The following NEGR1 variants were observed in gnomAD, a reference collection of about 807,000 sequenced individuals.
NEGR1 encodes neuronal growth regulator 1.
A neutral mutation model predicts 40.9 loss-of-function variants in NEGR1; 10 were observed. The ratio of observed to expected loss-of-function variants is 0.24; its 90% CI spans 0.15 to 0.42. The LOEUF is 0.42. NEGR1 is among the 10% of genes least tolerant of loss of function. NEGR1 has a pLI of 1.00. For missense variants in NEGR1, 352 were observed against 438.9 expected (o/e 0.80, Z 1.77); for synonymous variants, 185 against 166.8 (o/e 1.11, Z -0.84).
intron 2 of NEGR1, among the ~76,000 whole-genome samples, chr1:71,778,830 T>G (rs943761625): frequency 6.6e-6 from 1 of 152,326 alleles, no homozygotes; most frequent in Non-Finnish European, 1.5e-5. Context: ...TTTACACATC[T>G]ACATATATTT....
At chr1:71,783,413 C>A (rs1253113474) in intron 2 of NEGR1, among the ~76,000 whole-genome samples, 1 of 152,050 alleles carries the variant, frequency 6.6e-6, no homozygotes, top group Non-Finnish European at 1.5e-5. Flanking sequence ...CTTGTGGGTT[C>A]TTGATGGTTT....
chr1:72,200,124 C>T (rs1405772752), intron 1 of NEGR1, among the ~76,000 whole-genome samples: 1 of 151,790 alleles, frequency 6.6e-6, no homozygotes, highest in Non-Finnish European at 1.5e-5. Context: ...GGAAGTTTCT[C>T]AAAGAACTTA....
intron 1 of NEGR1, among the ~76,000 whole-genome samples, chr1:72,028,794 A>G (rs551003153): frequency 4.5e-4 from 68 of 152,318 alleles, no homozygotes; most frequent in Non-Finnish European, 8.1e-4. Flanking sequence ...TCCTACACAT[A>G]TTTTTATTAT....
chr1:71,544,191 A>C (rs1166719173), intron 6 of NEGR1, among the ~76,000 whole-genome samples: 3 of 151,660 alleles, frequency 2.0e-5, no homozygotes, highest in Non-Finnish European at 3.0e-5. Flanking sequence ...TATCTGTTTA[A>C]TGTTTATTTA....
chr1:71,651,844 C>A (rs562606692), intron 4 of NEGR1, among the ~76,000 whole-genome samples: 38 of 152,214 alleles, frequency 2.5e-4, no homozygotes, highest in African/African-American at 8.7e-4. Flanking sequence ...GTTATTGAAT[C>A]CTTACAATTT....
At position 71,776,161 on chromosome 1, in the gene NEGR1, T is replaced by C; in HGVS notation, c.535+11A>G. On this transcript the variant is annotated intron_variant, in intron 3 of 6. Coordinates refer to ENST00000357731, the MANE Select transcript of NEGR1 (RefSeq NM_173808.3). Reference sequence around the variant, plus strand: ...AACAGCACAAACAACACTAATGCATTCCTACTTTACCTGATGGGGAGATGT... The same window carrying C: ...AACAGCACAAACAACACTAATGCATCCCTACTTTACCTGATGGGGAGATGT... 6.2e-7 allele frequency: 1 copy of C among 1,605,694 alleles called. No individual in the cohort carries two copies. The highest frequency in any genetic ancestry group is 1.7e-5 in the Admixed American group (1 of 59,214).
chr1:71,480,234 C>G (rs191657457), intron 6 of NEGR1, among the ~76,000 whole-genome samples: 1 of 151,960 alleles, frequency 6.6e-6, no homozygotes, highest in Non-Finnish European at 1.5e-5. Context: ...AGCCTCAAAA[C>G]AATCCTGTGA....
At chr1:72,007,674 C>A (rs1010691930) in intron 1 of NEGR1, among the ~76,000 whole-genome samples, 1 of 152,128 alleles carries the variant, frequency 6.6e-6, no homozygotes, top group Non-Finnish European at 1.5e-5. Context: ...TAAAAAAAAT[C>A]ATTTACTATA....
Position 72,110,214 on chromosome 1 carries a change from AGT to A in NEGR1, c.176+172103_176+172104del, listed in dbSNP as rs1649299979. 2.4e-5 allele frequency among the ~76,000 whole-genome samples: 3 copies of A among 123,264 alleles called. No homozygotes were observed. The South Asian group carries it at 8.2e-4, about 34-fold the overall frequency. 80.9% of individuals were successfully genotyped at this position (123,264 alleles called of 152,430 possible). A position where few individuals can be genotyped will look rare whatever the true frequency, so the allele number is the denominator to read the frequency against. ...TGTGCACATGTACCCTAAAACTTAGAGTATAATAAAAAAAAAAAAAAAAAAAA... is the reference window on the plus strand; with the variant it reads ...TGTGCACATGTACCCTAAAACTTAGAATAATAAAAAAAAAAAAAAAAAAAA... On this transcript the variant is annotated intron_variant, in intron 1 of 6. Transcript: ENST00000357731.
intron 6 of NEGR1, among the ~76,000 whole-genome samples, chr1:71,535,500 G>T (rs79493177): frequency 0.04 from 6,133 of 151,724 alleles, 409 homozygotes; most frequent in African/African-American, 0.14. Flanking sequence ...ATTATGTTGC[G>T]TGCAGGATCC....
At position 71,554,841 on chromosome 1, in the gene NEGR1, G is replaced by T. The variant is rs568226165; in HGVS notation, c.940+37976C>A. Among the ~76,000 whole-genome samples, 51 of 151,588 alleles carry T rather than the reference G, an allele frequency of 3.4e-4. 1 individual carries two copies. Among genetic ancestry groups the T allele is most frequent in the African/African-American group, 1.2e-3 (51 of 41,448 alleles). On this transcript the variant is annotated intron_variant, in intron 6 of 6. Coordinates refer to ENST00000357731, the MANE Select transcript of NEGR1 (RefSeq NM_173808.3). ...GCCTTGCAGGTAGAGCCTTCTGGAA[G>T]ATTAGAATGAGAACACTTAAAGGGG...
chr1:72,021,097 G>A (rs1057500900), intron 1 of NEGR1, among the ~76,000 whole-genome samples: 1 of 151,970 alleles, frequency 6.6e-6, no homozygotes, highest in Non-Finnish European at 1.5e-5. Context: ...TTCTGACTAC[G>A]AATCCATTTG....
chr1:72,120,694 T>C (rs1649768048), intron 1 of NEGR1, among the ~76,000 whole-genome samples: 2 of 151,870 alleles, frequency 1.3e-5, no homozygotes, highest in African/African-American at 4.8e-5. Context: ...CAGAGTGTGA[T>C]ATTCCCCTTC....
At chr1:71,943,247 CACAT>C (rs142376873) in intron 1 of NEGR1, among the ~76,000 whole-genome samples, 1,961 of 149,628 alleles carry the variant, frequency 0.013, 40 homozygotes, top group African/African-American at 0.046. Flanking sequence ...CACATACACA[CACAT>C]ACATACACAT....
At chr1:71,436,079 CTA>C (rs1160465421) in intron 6 of NEGR1, among the ~76,000 whole-genome samples, 3 of 152,106 alleles carry the variant, frequency 2.0e-5, no homozygotes, top group Non-Finnish European at 4.4e-5. Flanking sequence ...ACTGAAGATG[CTA>C]TCATTGTTGT....
chr1:72,192,567 C>A (rs1178167438), intron 1 of NEGR1, among the ~76,000 whole-genome samples: 1 of 151,680 alleles, frequency 6.6e-6, no homozygotes, highest in Non-Finnish European at 1.5e-5. Context: ...AAATTACAGT[C>A]TAGGAGGGCA....
At chr1:71,559,416 A>G (rs542022741) in intron 6 of NEGR1, among the ~76,000 whole-genome samples, 1 of 151,510 alleles carries the variant, frequency 6.6e-6, no homozygotes, top group African/African-American at 2.4e-5. Context: ...TATGTGATTC[A>G]TTTGTTACAC....
chr1:71,988,545 C>G (rs1478110461), intron 1 of NEGR1, among the ~76,000 whole-genome samples: 1 of 39,756 alleles, frequency 2.5e-5, no homozygotes, highest in Non-Finnish European at 4.8e-5. Flanking sequence ...GACTCCGTCT[C>G]AAAAAAAAAA....
intron 1 of NEGR1, among the ~76,000 whole-genome samples, chr1:72,001,497 A>G (rs567781947): frequency 2.0e-5 from 3 of 151,844 alleles, no homozygotes; most frequent in Admixed American, 6.6e-5. Context: ...TTAGGGTCAA[A>G]TTTGACCTAT....
Sources: allele counts gnomAD v4.1 joint callset (sites outside exome capture counted in the v4.1 genomes callset), GRCh38; gene constraint gnomAD v4.1.1; transcripts MANE v1.5; gene names NCBI Gene and HGNC (gene_info 2026-07-23, HGNC 2026-07-21).